Variants in KIF16B observed in about 807,000 individuals in gnomAD.
The protein encoded by KIF16B is kinesin-like protein KIF16B.
KIF16B carries 98 observed loss-of-function variants against 156.3 expected under a neutral mutation model. The observed-to-expected ratio is 0.63, with a 90% CI of 0.53 to 0.74. The LOEUF is 0.74. KIF16B is among the 30% of genes least tolerant of loss of function. The pLI, the probability that KIF16B is intolerant of heterozygous loss-of-function variation, is 0.00. For missense variants in KIF16B, 1,421 were observed against 1,606.5 expected, an observed-to-expected ratio of 0.88 and a Z score of 1.97; for synonymous variants, 564 against 583.7, an observed-to-expected ratio of 0.97 and a Z score of 0.49.
chr20:16,494,109 C>T (rs951917957), intron 12 of KIF16B, among the ~76,000 whole-genome samples, 182 bp downstream of exon 12: 1 of 151,920 alleles, frequency 6.6e-6, no homozygotes, highest in Admixed American at 6.6e-5. Flanking sequence ...TATCTAATAG[C>T]CTTCTTTCTC....
chr20:16,467,239 G>A (rs1260208197), intron 12 of KIF16B, among the ~76,000 whole-genome samples: 1 of 152,140 alleles, frequency 6.6e-6, no homozygotes, highest in Admixed American at 6.5e-5. Flanking sequence ...AAGTTCAACA[G>A]GGGCACAAGC....
At chr20:16,355,242 C>G (rs954738676) in intron 23 of KIF16B, among the ~76,000 whole-genome samples, 6 of 152,156 alleles carry the variant, frequency 3.9e-5, no homozygotes, top group Non-Finnish European at 8.8e-5. Flanking sequence ...CTCCTTCCTC[C>G]CTCCCCACTC....
At chr20:16,495,722 C>T (rs1173773362) in intron 11 of KIF16B, among the ~76,000 whole-genome samples, 3 of 152,110 alleles carry the variant, frequency 2.0e-5, no homozygotes, top group Admixed American at 6.6e-5. Flanking sequence ...TGGGGTCTCA[C>T]ACTGTTGCCT....
At chr20:16,460,343 G>A (rs1396411715) in intron 12 of KIF16B, among the ~76,000 whole-genome samples, 1 of 152,190 alleles carries the variant, frequency 6.6e-6, no homozygotes, top group East Asian at 1.9e-4. Context: ...CACTTTGGGA[G>A]GCCAAGGCAG....
rs73597767 is a variant in KIF16B at position 16,410,372 on chromosome 20, C to T, written c.1613-3916G>A. ...ATATATATAGAGAGAGAGACATATACATACACACACATATACAGGTTGACT... is the reference window on the plus strand; with the variant it reads ...ATATATATAGAGAGAGAGACATATATATACACACACATATACAGGTTGACT... On this transcript the variant is annotated intron_variant, in intron 15 of 25. Coordinates refer to ENST00000354981, the MANE Select transcript of KIF16B (RefSeq NM_024704.5). 7.2e-4 allele frequency among the ~76,000 whole-genome samples: 107 copies of T among 149,532 alleles called. 1 individual carries two copies. The East Asian group carries it at 0.016, about 22-fold the overall frequency.
At chr20:16,561,051 A>G (rs1352428145) in intron 1 of KIF16B, among the ~76,000 whole-genome samples, 1 of 152,060 alleles carries the variant, frequency 6.6e-6, no homozygotes, top group Non-Finnish European at 1.5e-5. Context: ...GCGCTTTGGG[A>G]GGCTGAGGTG....
At chr20:16,501,480 C>T (rs915949404) in intron 10 of KIF16B, among the ~76,000 whole-genome samples, 1 of 151,794 alleles carries the variant, frequency 6.6e-6, no homozygotes, top group Non-Finnish European at 1.5e-5. Flanking sequence ...ACTCCTCTGA[C>T]TCACCAATTC....
At chr20:16,292,716 A>G (rs749664865) in intron 25 of KIF16B, among the ~76,000 whole-genome samples, 2 of 150,270 alleles carry the variant, frequency 1.3e-5, no homozygotes, top group Non-Finnish European at 3.0e-5. Flanking sequence ...TTCTTAAAAT[A>G]CATGGATGTG....
At position 16,410,299 on chromosome 20, in the gene KIF16B, ATGTG is replaced by A. The variant is rs35361828; in HGVS notation, c.1613-3847_1613-3844del. 5.4e-3 allele frequency among the ~76,000 whole-genome samples: 759 copies of A among 141,490 alleles called. 5 individuals are homozygous for A. Among genetic ancestry groups the A allele is most frequent in the South Asian group, 0.034 (151 of 4,454 alleles). 92.8% of individuals were successfully genotyped at this position (141,490 alleles called of 152,430 possible). A position where few individuals can be genotyped will look rare whatever the true frequency, so the allele number is the denominator to read the frequency against. On this transcript the variant is annotated intron_variant, in intron 15 of 25. Coordinates refer to ENST00000354981, the MANE Select transcript of KIF16B (RefSeq NM_024704.5). ...TATGTAGGTACGTACCTACATATAT[ATGTG>A]TGTGTGTGTGTGTGTGTATATGTGT...
intron 12 of KIF16B, among the ~76,000 whole-genome samples, chr20:16,439,039 G>C (rs2066722651): frequency 6.6e-6 from 1 of 152,200 alleles, no homozygotes; most frequent in Admixed American, 6.5e-5. Context: ...TCAGAACTAA[G>C]CTCCAGGAAG....
chr20:16,288,444 A>G (rs113738945), intron 25 of KIF16B, among the ~76,000 whole-genome samples: 1 of 152,236 alleles, frequency 6.6e-6, no homozygotes, highest in Non-Finnish European at 1.5e-5. Context: ...GGATCCCATC[A>G]TAAGTGGAAG....
intron 25 of KIF16B, among the ~76,000 whole-genome samples, chr20:16,300,678 T>A (rs1239913631): frequency 6.6e-6 from 1 of 152,128 alleles, no homozygotes; most frequent in Non-Finnish European, 1.5e-5. Context: ...AAAAAATAGA[T>A]TTTACTTCTT....
intron 12 of KIF16B, among the ~76,000 whole-genome samples, chr20:16,470,022 T>G (rs1490229442): frequency 1.3e-5 from 2 of 152,112 alleles, no homozygotes; most frequent in African/African-American, 4.8e-5. Flanking sequence ...AATGAGTTAT[T>G]AAGCCATGAA....
intron 15 of KIF16B, among the ~76,000 whole-genome samples, chr20:16,415,605 C>T (rs1229263958): frequency 6.6e-6 from 1 of 152,138 alleles, no homozygotes; most frequent in African/African-American, 2.4e-5. Context: ...GCCCTACAGA[C>T]CTGCCCATGA....
intron 17 of KIF16B, among the ~76,000 whole-genome samples, chr20:16,396,224 G>A (rs11906447): frequency 0.15 from 22,612 of 151,974 alleles, 2,760 homozygotes; most frequent in African/African-American, 0.33. Context: ...TCTAGGTTGC[G>A]CGCTCCTTAT....
At chr20:16,445,934 A>G (rs2066919352) in intron 12 of KIF16B, among the ~76,000 whole-genome samples, 2 of 152,134 alleles carry the variant, frequency 1.3e-5, no homozygotes, top group South Asian at 4.1e-4. Context: ...TGTGCTTTAC[A>G]GAAAAGTTAG....
chr20:16,464,911 T>C (rs2067445182), intron 12 of KIF16B, among the ~76,000 whole-genome samples: 1 of 152,086 alleles, frequency 6.6e-6, no homozygotes, highest in Non-Finnish European at 1.5e-5. Context: ...GCTGAATATT[T>C]ATCAGATACA....
chr20:16,543,191 G>A (rs1357803832), intron 1 of KIF16B, among the ~76,000 whole-genome samples: 1 of 152,194 alleles, frequency 6.6e-6, no homozygotes, highest in East Asian at 1.9e-4. Flanking sequence ...GATTCTATAA[G>A]AATGTGAAAG....
chr20:16,380,183 C>T lies in KIF16B; in HGVS notation c.1839-20G>A. The T allele has an allele frequency of 6.7e-7, 1 of 1,493,320 alleles. No homozygotes were observed. Among genetic ancestry groups the T allele is most frequent in the Non-Finnish European group, 8.9e-7 (1 of 1,124,762 alleles). The allele number at this position is 1,493,320 out of a possible 1,614,324, so 92.5% of individuals were successfully genotyped here. On this transcript the variant is annotated intron_variant, in intron 18 of 25. Transcript: ENST00000354981. Reference sequence around the variant, plus strand: ...AGTTTCCTGAAATGCAAAGCACTGACTGGTTGTTATCTGGTCATTGTTCAA... The same window carrying T: ...AGTTTCCTGAAATGCAAAGCACTGATTGGTTGTTATCTGGTCATTGTTCAA...
Sources: allele counts gnomAD v4.1 joint callset (sites outside exome capture counted in the v4.1 genomes callset), GRCh38; gene constraint gnomAD v4.1.1; transcripts MANE v1.5; gene names NCBI Gene and HGNC (gene_info 2026-07-23, HGNC 2026-07-21).